Variants in VSIR observed in about 807,000 individuals in gnomAD.
VSIR encodes V-type immunoglobulin domain-containing suppressor of T-cell activation.
In VSIR, 10 loss-of-function variants were observed where a neutral mutation model predicts 31.0. The ratio of observed to expected loss-of-function variants is 0.32; its 90% CI spans 0.20 to 0.55. VSIR has a LOEUF of 0.55. VSIR is among the 20% of genes least tolerant of loss of function. The pLI, the probability that VSIR is intolerant of heterozygous loss-of-function variation, is 0.93. For synonymous variants in VSIR, 179 were observed against 180.1 expected, an observed-to-expected ratio of 0.99 and a Z score of 0.05; for missense variants, 356 against 416.2, an observed-to-expected ratio of 0.86 and a Z score of 1.26.
intron 1 of VSIR, among the ~76,000 whole-genome samples, chr10:71,763,176 T>G (rs1183233794): frequency 6.6e-6 from 1 of 152,164 alleles, no homozygotes; most frequent in Non-Finnish European, 1.5e-5. Flanking sequence ...TTATTTTTAT[T>G]TATTTATTTG....
In VSIR at chr10:71,759,862, CACAT is replaced by C. The variant is rs1452465975; in HGVS notation, c.568+1002_568+1005del. Among the ~76,000 whole-genome samples, 32 of 121,246 alleles carry C rather than the reference CACAT, an allele frequency of 2.6e-4. 1 individual carries two copies. The highest frequency in any genetic ancestry group is 1.1e-3 in the South Asian group (4 of 3,700). 79.5% of individuals were successfully genotyped at this position (121,246 alleles called of 152,430 possible). ...ACACACACACATATACACACACACA[CACAT>C]ATATATACACACACACACATATACA... On this transcript the variant is annotated intron_variant, in intron 3 of 6. Transcript: ENST00000394957.
At chr10:71,766,256 C>G (rs1001372701) in intron 1 of VSIR, among the ~76,000 whole-genome samples, 2 of 152,166 alleles carry the variant, frequency 1.3e-5, no homozygotes, top group Non-Finnish European at 2.9e-5. Flanking sequence ...TCCAGGGTGG[C>G]CAAAAGCATG....
intron 1 of VSIR, among the ~76,000 whole-genome samples, chr10:71,768,271 A>G (rs1840603144): frequency 6.6e-6 from 1 of 152,076 alleles, no homozygotes; most frequent in Non-Finnish European, 1.5e-5. Context: ...CCCAGGTTGA[A>G]GCAACTCTCC....
In VSIR at chr10:71,761,813, A is replaced by C. The variant is rs1935939278; in HGVS notation, c.296T>G (p.Leu99Arg). ...GGCAGCCTGGTGGCCTCCATGGTGCAGGTGAAGGTCCTGGAACGTGAGGTT... is the reference window on the plus strand; with the variant it reads ...GGCAGCCTGGTGGCCTCCATGGTGCCGGTGAAGGTCCTGGAACGTGAGGTT... ...IRNLTFQDLH[L>R]HHGGHQAANT... The change falls in exon 2 of 7, where the codon CTG becomes CGG. Residue 99 changes from leucine (L) to arginine (R), a missense_variant. This residue lies in a region of VSIR where 166 missense variants were observed against 231.0 expected (regional missense o/e 0.72). Coordinates refer to ENST00000394957, the MANE Select transcript of VSIR (RefSeq NM_022153.2). 3.1e-6 allele frequency: 5 copies of C among 1,613,986 alleles called. No homozygotes were observed. In the African/African-American group the frequency reaches 4.0e-5, roughly 13 times the overall value.
chr10:71,751,961 A>T lies in VSIR; in HGVS notation c.705-100T>A. The T allele has an allele frequency of 8.2e-7, 1 of 1,212,476 alleles. No homozygotes were observed. Among genetic ancestry groups the T allele is most frequent in the East Asian group, 2.5e-5 (1 of 39,992 alleles). The allele number at this position is 1,212,476 out of a possible 1,614,324, so 75.1% of individuals were successfully genotyped here. On this transcript the variant is annotated intron_variant, in intron 5 of 6. Coordinates refer to ENST00000394957, the MANE Select transcript of VSIR (RefSeq NM_022153.2). The surrounding 1 kb of genome is among the most constrained non-coding windows in gnomAD (Gnocchi z 4.9). ...TCTCTCCTCCCTTTCTCTCACCTAC[A>T]TCCCCATCCCCAAGCCTCAGCAGCA...
chr10:71,764,329 G>A (rs780807899), intron 1 of VSIR, among the ~76,000 whole-genome samples: 9 of 152,108 alleles, frequency 5.9e-5, no homozygotes, highest in East Asian at 5.8e-4. Flanking sequence ...GAGAACTTAC[G>A]TAACTCACTG....
At position 71,751,718 on chromosome 10, in the gene VSIR, C is replaced by A; in HGVS notation, c.848G>T (p.Ser283Ile). 6.3e-7 allele frequency: 1 copy of A among 1,578,088 alleles called. No homozygotes were observed. The highest frequency in any genetic ancestry group is 8.6e-7 in the Non-Finnish European group (1 of 1,163,636). Residue 283 changes from serine (S) to isoleucine (I), a missense_variant, in exon 6 of 7, where the codon AGC (serine) becomes ATC (isoleucine). Physicochemically the swap from Ser to Ile is moderately radical, Grantham distance 142. Coordinates refer to ENST00000394957, the MANE Select transcript of VSIR (RefSeq NM_022153.2). The surrounding 1 kb of genome is among the most constrained non-coding windows in gnomAD (Gnocchi z 4.9). ...GGGGCCTGGAGGAGACAGGGGGGTG[C>A]TGGGCTCCGAAAGCAGATGCCGCCC... ...ESGRHLLSEP[S>I]TPLSPPGPGD...
At position 71,750,825 on chromosome 10, in the gene VSIR, C is replaced by G. The variant is rs568586206; in HGVS notation, c.*428G>C. The stretch of plus-strand genomic sequence containing the variant: ...CAAAACGGGGGAGCCAAGGCGGCCA[C>G]GGGGGAGAAGTCTCTCCACCGTGCC... On this transcript the variant is annotated 3_prime_UTR_variant, in exon 7 of 7. Coordinates refer to ENST00000394957, the MANE Select transcript of VSIR (RefSeq NM_022153.2). 11 of 160,452 alleles carry G rather than the reference C, an allele frequency of 6.9e-5. No homozygotes were observed. Among genetic ancestry groups the G allele is most frequent in the South Asian group, 1.9e-4 (1 of 5,220 alleles). 9.9% of individuals were successfully genotyped at this position (160,452 alleles called of 1,614,324 possible). A position where few individuals can be genotyped will look rare whatever the true frequency, so the allele number is the denominator to read the frequency against.
chr10:71,765,031 T>C (rs1413608666), intron 1 of VSIR, among the ~76,000 whole-genome samples: 1 of 152,186 alleles, frequency 6.6e-6, no homozygotes, highest in Non-Finnish European at 1.5e-5. Context: ...TGGGTGTAGC[T>C]GCAAAACTAT....
intron 3 of VSIR, among the ~76,000 whole-genome samples, chr10:71,756,945 A>T (rs1253467539): frequency 6.6e-6 from 1 of 152,226 alleles, no homozygotes; most frequent in African/African-American, 2.4e-5. Flanking sequence ...GTTTTCAGTC[A>T]CTTTAGAAGT....
intron 3 of VSIR, among the ~76,000 whole-genome samples, chr10:71,759,842 C>CACACACACACACAT (rs1840257883): frequency 2.5e-5 from 1 of 40,036 alleles, no homozygotes; most frequent in Non-Finnish European, 7.6e-5. Flanking sequence ...CACACACACA[C>CACACACACACACAT]ACACATATAC....
At chr10:71,759,820 T>TATACACAC (rs1554868422) in intron 3 of VSIR, among the ~76,000 whole-genome samples, 17 of 85,374 alleles carry the variant, frequency 2.0e-4, no homozygotes, top group African/African-American at 5.3e-4. Flanking sequence ...TCAGAAAATA[T>TATACACAC]ACACACACAC....
intron 3 of VSIR, among the ~76,000 whole-genome samples, chr10:71,758,688 A>T (rs149896606): frequency 6.2e-4 from 94 of 152,256 alleles, no homozygotes; most frequent in African/African-American, 2.2e-3. Context: ...CTCTCTTTCC[A>T]TGGATACAGA....
In VSIR at chr10:71,761,760, G is replaced by A; in HGVS notation, c.349C>T (p.His117Tyr). 6.2e-7 allele frequency: 1 copy of A among 1,614,170 alleles called. No homozygotes were observed. The highest frequency in any genetic ancestry group is 8.5e-7 in the Non-Finnish European group (1 of 1,180,040). The change falls in exon 2 of 7, where the codon CAC becomes TAC. Residue 117 changes from histidine to tyrosine, a missense_variant. By Grantham distance (83) the His-to-Tyr change is moderately conservative (BLOSUM62 2). Coordinates refer to ENST00000394957, the MANE Select transcript of VSIR (RefSeq NM_022153.2). Reference sequence around the variant, plus strand: ...TGGTCGGAGGCCGACTCCAGCCCGTGGCGCTGAGCCAGGTCGTGGCTGGTG... The same window carrying A: ...TGGTCGGAGGCCGACTCCAGCCCGTAGCGCTGAGCCAGGTCGTGGCTGGTG... ...ANTSHDLAQR[H>Y]GLESASDHHG...
chr10:71,768,315 C>T (rs1426527057), intron 1 of VSIR, among the ~76,000 whole-genome samples: 1 of 152,142 alleles, frequency 6.6e-6, no homozygotes, highest in East Asian at 1.9e-4. Flanking sequence ...GGACTACAGG[C>T]ACCCGCCACC....
intron 4 of VSIR, chr10:71,755,134 C>G: frequency 1.5e-6 from 1 of 655,356 alleles, no homozygotes; most frequent in Non-Finnish European, 2.8e-6. Context: ...GCCAGCACTG[C>G]CTGGGAGCCA....
intron 4 of VSIR, chr10:71,753,896 C>G: frequency 2.2e-6 from 1 of 456,340 alleles, no homozygotes; most frequent in South Asian, 1.5e-5. Flanking sequence ...TGCAGGTGCA[C>G]ACGGGTATTC....
At chr10:71,755,827 C>T (rs1316176103) in intron 3 of VSIR, among the ~76,000 whole-genome samples, 1 of 152,068 alleles carries the variant, frequency 6.6e-6, no homozygotes, top group Non-Finnish European at 1.5e-5. Flanking sequence ...CTTCGCAGAC[C>T]CCATGCCACA....
In VSIR at chr10:71,749,343, C is replaced by T. The variant is rs910544841; in HGVS notation, c.*1910G>A. On this transcript the variant is annotated 3_prime_UTR_variant, in exon 7 of 7. Coordinates refer to ENST00000394957, the MANE Select transcript of VSIR (RefSeq NM_022153.2). ...TTTGTTTTGAGGCAAAGTTTTGCTC[C>T]GTCCCCAGGCTGGAGTGTAGTGGCT... 1 of 152,268 alleles carries T rather than the reference C, an allele frequency of 6.6e-6. No individual in the cohort carries two copies. The highest frequency in any genetic ancestry group is 6.5e-5 in the Admixed American group (1 of 15,280). 9.4% of individuals were successfully genotyped at this position (152,268 alleles called of 1,614,324 possible).
Sources: gnomAD v4.1 joint callset for allele counts (sites outside exome capture counted in the v4.1 genomes callset) on GRCh38, gnomAD v4.1.1 for gene constraint, gnomAD v4.1.1 regional missense constraint, Gnocchi (gnomAD v3.1) non-coding constraint, MANE v1.5 for transcripts, NCBI Gene and HGNC (gene_info 2026-07-23, HGNC 2026-07-21) for gene names.